FAM193A: variants seen among roughly 807,000 people sequenced by gnomAD.
The protein encoded by FAM193A is protein FAM193A.
Under a neutral mutation model 126.5 loss-of-function variants are expected in FAM193A, and 22 were observed. That is an observed-to-expected ratio of 0.17 (90% CI 0.12 to 0.25). The LOEUF is 0.25. FAM193A is among the 10% of genes least tolerant of loss of function. FAM193A has a pLI of 1.00. For synonymous variants in FAM193A, 761 were observed against 646.8 expected (o/e 1.18, Z -2.68); for missense variants, 1,675 against 1,672.8 (o/e 1.00, Z -0.02).
At chr4:2,672,404 ACTCTT>A in intron 13 of FAM193A, 32 bp downstream of exon 13, 1 of 1,610,740 alleles carries the variant, frequency 6.2e-7, no homozygotes, top group Non-Finnish European at 8.5e-7. Flanking sequence ...CTGAAAGCTC[ACTCTT>A]CACTGAGATC....
intron 13 of FAM193A, among the ~76,000 whole-genome samples, chr4:2,684,683 C>T (rs1357207084): frequency 6.6e-6 from 1 of 152,216 alleles, no homozygotes; most frequent in African/African-American, 2.4e-5. Flanking sequence ...TGAGGGCCTC[C>T]AGACTGCTGC....
intron 10 of FAM193A, 151 bp from the exon 11 acceptor site, chr4:2,662,687 A>G (rs1362072094): frequency 2.0e-6 from 1 of 496,348 alleles, no homozygotes; most frequent in African/African-American, 2.0e-5. Context: ...GAGGTTACTA[A>G]GAAATGTTAG....
At chr4:2,576,965 T>G (rs1739623105) in intron 1 of FAM193A, among the ~76,000 whole-genome samples, 1 of 152,204 alleles carries the variant, frequency 6.6e-6, no homozygotes, top group Non-Finnish European at 1.5e-5. Flanking sequence ...AGCCAGTAAT[T>G]GCTGTAACAT....
chr4:2,582,038 A>G (rs1226396835), intron 1 of FAM193A, among the ~76,000 whole-genome samples: 1 of 152,030 alleles, frequency 6.6e-6, no homozygotes. Context: ...TTTTAGAGAA[A>G]TTACTCTCTT....
In FAM193A at chr4:2,596,081, C is replaced by T; in HGVS notation, c.256-3C>T. 4.4e-6 allele frequency: 3 copies of T among 686,036 alleles called. No individual in the cohort carries two copies. Among genetic ancestry groups the T allele is most frequent in the East Asian group, 2.7e-5 (1 of 36,890 alleles). 42.5% of individuals were successfully genotyped at this position (686,036 alleles called of 1,614,324 possible). Reference sequence around the variant, plus strand: ...AAAATAGAATTTTTTTTTTCTATTCCAGACTCCTTTTAGTTTTGGCATGAA... The same window carrying T: ...AAAATAGAATTTTTTTTTTCTATTCTAGACTCCTTTTAGTTTTGGCATGAA... On this transcript the variant is annotated splice_region_variant and splice_polypyrimidine_tract_variant and intron_variant, in intron 1 of 20. Transcript: ENST00000637812.
At chr4:2,731,110 C>T (rs1262949415) in intron 20 of FAM193A, among the ~76,000 whole-genome samples, 1 of 146,572 alleles carries the variant, frequency 6.8e-6, no homozygotes, top group East Asian at 2.1e-4. Flanking sequence ...GCAGGAGAAT[C>T]ACTTCAACGT....
Position 2,621,527 on chromosome 4 carries a change from C to T in FAM193A, c.502-3735C>T, listed in dbSNP as rs1242861259. On this transcript the variant is annotated intron_variant, in intron 2 of 20. Transcript: ENST00000637812. ...TGTGGTAAGAAATACGGTGTTTGCT[C>T]CTAAGTGAAGTGGAGGAGAACAGAG... Among the ~76,000 whole-genome samples the T allele has an allele frequency of 3.3e-5, 5 of 152,128 alleles. No individual in the cohort carries two copies. The East Asian group carries it at 7.7e-4, about 23-fold the overall frequency.
intron 6 of FAM193A, among the ~76,000 whole-genome samples, chr4:2,641,143 C>T (rs1487594729): frequency 4.0e-5 from 6 of 151,444 alleles, no homozygotes; most frequent in African/African-American, 7.3e-5. Flanking sequence ...CAGGTTCAAG[C>T]GATTCTCCTG....
intron 5 of FAM193A, among the ~76,000 whole-genome samples, chr4:2,636,196 T>C: frequency 6.6e-6 from 1 of 152,004 alleles, no homozygotes; most frequent in East Asian, 1.9e-4. Flanking sequence ...CCCGAGTAGC[T>C]GGAACTACAG....
At chr4:2,730,353 G>T (rs763191605) in intron 20 of FAM193A, among the ~76,000 whole-genome samples, 8 of 152,158 alleles carry the variant, frequency 5.3e-5, no homozygotes, top group Admixed American at 1.3e-4. Flanking sequence ...TGATATTTAG[G>T]ATATATGTGT....
intron 2 of FAM193A, among the ~76,000 whole-genome samples, chr4:2,600,142 C>T (rs1442418146): frequency 6.6e-6 from 1 of 152,212 alleles, no homozygotes; most frequent in Non-Finnish European, 1.5e-5. Flanking sequence ...AAATGATCTA[C>T]CTACCTTGGC....
intron 1 of FAM193A, among the ~76,000 whole-genome samples, chr4:2,577,957 C>T (rs1372027193): frequency 6.6e-6 from 1 of 152,154 alleles, no homozygotes; most frequent in African/African-American, 2.4e-5. Context: ...AACAAACATC[C>T]ATTAGCACGT....
chr4:2,714,245 T>G (rs1719304944), intron 19 of FAM193A, among the ~76,000 whole-genome samples: 1 of 152,116 alleles, frequency 6.6e-6, no homozygotes, highest in African/African-American at 2.4e-5. Context: ...GTTCTGTGCT[T>G]CCTTTCTGCT....
chr4:2,722,471 G>A (rs976078542), intron 20 of FAM193A, among the ~76,000 whole-genome samples: 9 of 152,200 alleles, frequency 5.9e-5, no homozygotes, highest in African/African-American at 1.9e-4. Flanking sequence ...TTCTATTCCA[G>A]CTGCTGTGTC....
At chr4:2,546,654 G>C (rs925125140) in intron 1 of FAM193A, among the ~76,000 whole-genome samples, 3 of 152,152 alleles carry the variant, frequency 2.0e-5, no homozygotes, top group Admixed American at 6.6e-5. Context: ...ATGTACCACA[G>C]TTTGTCCATT....
chr4:2,615,857 C>G (rs2108953571), intron 2 of FAM193A, among the ~76,000 whole-genome samples: 2 of 152,030 alleles, frequency 1.3e-5, no homozygotes, highest in Middle Eastern at 3.4e-3. Flanking sequence ...TGTGCCCAGG[C>G]TGGAATGTAG....
At chr4:2,617,160 T>TC (rs1158975597) in intron 2 of FAM193A, among the ~76,000 whole-genome samples, 1 of 95,724 alleles carries the variant, frequency 1.0e-5, no homozygotes, top group Non-Finnish European at 1.9e-5. Flanking sequence ...AGAGCGAGAC[T>TC]CCATCTCCAA....
Position 2,553,483 on chromosome 4 carries a change from A to C in FAM193A, c.255+16313A>C, listed in dbSNP as rs537194065. Among the ~76,000 whole-genome samples, 17 of 147,782 alleles carry C rather than the reference A, an allele frequency of 1.2e-4. No individual in the cohort carries two copies. The South Asian group carries it at 3.6e-3, about 31-fold the overall frequency. On this transcript the variant is annotated intron_variant, in intron 1 of 20. Transcript: ENST00000637812. ...GCAACCTCTGCCTCCCGGGTTCAAG[A>C]GATTCTCCTGCCTCAGCCCCCTGAG...
chr4:2,640,420 C>T (rs905185777), intron 6 of FAM193A, among the ~76,000 whole-genome samples: 13 of 152,084 alleles, frequency 8.5e-5, no homozygotes, highest in African/African-American at 2.7e-4. Flanking sequence ...AGTATTTGCT[C>T]GGGGTCAGAG....
Sources: gnomAD v4.1 joint callset for allele counts (sites outside exome capture counted in the v4.1 genomes callset) on GRCh38, gnomAD v4.1.1 for gene constraint, MANE v1.5 for transcripts, NCBI Gene and HGNC (gene_info 2026-07-23, HGNC 2026-07-21) for gene names.